Variants in SEMA3E observed in about 807,000 individuals in gnomAD.
SEMA3E encodes semaphorin 3E.
In SEMA3E, 49 loss-of-function variants were observed where a neutral mutation model predicts 93.6. The observed-to-expected ratio is 0.52, with a 90% CI of 0.42 to 0.66. The LOEUF (loss-of-function observed/expected upper bound fraction) is 0.66, where lower values mean the gene tolerates loss of function less well. SEMA3E is among the 30% of genes least tolerant of loss of function. The pLI is 0.00. For synonymous variants in SEMA3E, 363 were observed against 330.7 expected (o/e 1.10, Z -1.06); for missense variants, 906 against 964.8 (o/e 0.94, Z 0.81).
chr7:83,456,594 T>TTTTATTTATTTA (rs1311404288), intron 4 of SEMA3E, among the ~76,000 whole-genome samples: 1 of 37,880 alleles, frequency 2.6e-5, no homozygotes, highest in African/African-American at 7.9e-5. Flanking sequence ...AACGACTCTA[T>TTTTATTTATTTA]TTTATTTATT....
intron 1 of SEMA3E, among the ~76,000 whole-genome samples, chr7:83,611,369 T>TTATATATATAAATTTATATATTATATATA (rs1793257896): frequency 6.9e-6 from 1 of 144,100 alleles, no homozygotes; most frequent in African/African-American, 2.5e-5. Context: ...AATTTATATA[T>TTATATATATAAATTTATATATTATATATA]TATATATATA....
chr7:83,501,163 T>C (rs1790589839), intron 1 of SEMA3E, among the ~76,000 whole-genome samples: 1 of 152,212 alleles, frequency 6.6e-6, no homozygotes, highest in African/African-American at 2.4e-5. Flanking sequence ...TGATATCTGG[T>C]TACTTCATCA....
rs565667473 is a variant in SEMA3E, at chr7:83,475,307, T to A, written c.277-6005A>T. ...GATCATTTCCAGTTAAACACACTGTTTAGGGGTTAATTCTCCATAGCGTTT... is the reference window on the plus strand; with the variant it reads ...GATCATTTCCAGTTAAACACACTGTATAGGGGTTAATTCTCCATAGCGTTT... On this transcript the variant is annotated intron_variant, in intron 2 of 16. Coordinates refer to ENST00000643230, the MANE Select transcript of SEMA3E (RefSeq NM_012431.3). Among the ~76,000 whole-genome samples, 4 of 152,256 alleles carry A rather than the reference T, an allele frequency of 2.6e-5. No individual in the cohort carries two copies. The East Asian group carries it at 7.7e-4, about 29-fold the overall frequency.
At chr7:83,581,184 A>G (rs182978725) in intron 1 of SEMA3E, among the ~76,000 whole-genome samples, 1 of 152,130 alleles carries the variant, frequency 6.6e-6, no homozygotes, top group Non-Finnish European at 1.5e-5. Context: ...CATAGCTAAT[A>G]TCCTTAACTC....
Position 83,367,715 on chromosome 7 carries a change from C to A in SEMA3E, c.2199G>T (p.Trp733Cys). ...GCTTTTTCCTCTTTCTATCTGTGCA[C>A]CATACTTTCTCGCAGTATTCTTCCA... is the stretch of plus-strand genomic sequence containing the variant. The part of the protein sequence containing the change: ...QRVEEYCEKV[W>C]CTDRKRKKLK... The change falls in exon 17 of 17, where the codon TGG becomes TGT. Residue 733 changes from tryptophan to cysteine, a missense_variant. Physicochemically the swap from Trp to Cys is radical, Grantham distance 215. Transcript: ENST00000643230. The A allele has an allele frequency of 6.2e-7, 1 of 1,614,066 alleles. No individual in the cohort carries two copies. Among genetic ancestry groups the A allele is most frequent in the African/African-American group, 1.3e-5 (1 of 75,004 alleles).
chr7:83,607,975 G>A (rs1793161471), intron 1 of SEMA3E, among the ~76,000 whole-genome samples: 1 of 152,114 alleles, frequency 6.6e-6, no homozygotes, highest in Admixed American at 6.6e-5. Flanking sequence ...CTAGCACTTT[G>A]GGAAGCCAAG....
intron 1 of SEMA3E, among the ~76,000 whole-genome samples, chr7:83,512,217 C>A (rs1436579515): frequency 6.6e-6 from 1 of 152,088 alleles, no homozygotes; most frequent in Non-Finnish European, 1.5e-5. Context: ...AGAAAGTGTG[C>A]TTGCTTGTTA....
Position 83,469,316 on chromosome 7 carries a change from T to G in SEMA3E, c.277-14A>C, listed in dbSNP as rs569828654. On this transcript the variant is annotated splice_polypyrimidine_tract_variant and intron_variant, in intron 2 of 16. Transcript: ENST00000643230. ...CGGCCAGTGTATCTAAAATAAAAGA[T>G]AATGTACTATTATGACAACTGCATA... 6.3e-7 allele frequency: 1 copy of G among 1,576,166 alleles called. No individual in the cohort carries two copies. The highest frequency in any genetic ancestry group is 2.2e-5 in the East Asian group (1 of 44,580).
chr7:83,454,272 A>AATATATATAT (rs71534491), intron 4 of SEMA3E, among the ~76,000 whole-genome samples: 53 of 110,102 alleles, frequency 4.8e-4, no homozygotes, highest in African/African-American at 2.3e-3. Context: ...AAAAAAAAAA[A>AATATATATAT]ATATATATAT....
chr7:83,513,232 G>A (rs1790859702), intron 1 of SEMA3E, among the ~76,000 whole-genome samples: 1 of 152,144 alleles, frequency 6.6e-6, no homozygotes, highest in Admixed American at 6.6e-5. Context: ...ATGAAGCAGT[G>A]GTAGTCAGTT....
intron 1 of SEMA3E, among the ~76,000 whole-genome samples, chr7:83,620,433 T>A (rs550643559): frequency 1.4e-4 from 22 of 152,240 alleles, no homozygotes; most frequent in African/African-American, 5.3e-4. Context: ...GAGGAGCTGG[T>A]ACCATTTCTC....
intron 1 of SEMA3E, among the ~76,000 whole-genome samples, chr7:83,576,782 C>T (rs780428066): frequency 1.3e-5 from 2 of 151,970 alleles, no homozygotes; most frequent in Non-Finnish European, 2.9e-5. Flanking sequence ...CGTGCCACCA[C>T]GCCAGGCTAA....
At chr7:83,392,850 G>A in intron 13 of SEMA3E, 129 bp from the exon 14 acceptor site, 1 of 883,842 alleles carries the variant, frequency 1.1e-6, no homozygotes, top group Non-Finnish European at 1.8e-6. Flanking sequence ...ACTTAAATTA[G>A]CAGTTTCAGG....
chr7:83,445,082 T>C (rs1789199581), intron 4 of SEMA3E, among the ~76,000 whole-genome samples: 1 of 151,978 alleles, frequency 6.6e-6, no homozygotes, highest in Non-Finnish European at 1.5e-5. Context: ...TGGAGGAAAA[T>C]GAGTTAAGGA....
intron 1 of SEMA3E, among the ~76,000 whole-genome samples, chr7:83,601,654 T>C (rs1168977421): frequency 6.6e-6 from 1 of 152,108 alleles, no homozygotes; most frequent in Non-Finnish European, 1.5e-5. Context: ...CCTGAAGCTG[T>C]AAAGTGACTA....
intron 1 of SEMA3E, among the ~76,000 whole-genome samples, chr7:83,555,543 A>G (rs1256456871): frequency 6.6e-6 from 1 of 152,128 alleles, no homozygotes; most frequent in Admixed American, 6.5e-5. Context: ...ACTAGAGGCA[A>G]ACGTATTTTC....
intron 4 of SEMA3E, among the ~76,000 whole-genome samples, chr7:83,454,122 G>C (rs1311941592): frequency 1.3e-5 from 2 of 150,948 alleles, no homozygotes; most frequent in African/African-American, 4.9e-5. Flanking sequence ...GCCTGGCGTG[G>C]TGGCGGGCTC....
chr7:83,394,436 T>C (rs1337484767), intron 12 of SEMA3E, 98 bp from the exon 13 acceptor site: 5 of 975,506 alleles, frequency 5.1e-6, no homozygotes, highest in African/African-American at 1.6e-5. Flanking sequence ...CTTATATAAG[T>C]GGTTATGTGT....
chr7:83,619,722 A>G (rs941111021), intron 1 of SEMA3E, among the ~76,000 whole-genome samples: 1 of 151,870 alleles, frequency 6.6e-6, no homozygotes, highest in African/African-American at 2.4e-5. Flanking sequence ...AGATAATACT[A>G]TGTCCTTCCC....
Sources: allele counts gnomAD v4.1 joint callset (sites outside exome capture counted in the v4.1 genomes callset), GRCh38; gene constraint gnomAD v4.1.1; transcripts MANE v1.5; gene names NCBI Gene and HGNC (gene_info 2026-07-23, HGNC 2026-07-21).